Variants in EXOC1 observed in about 807,000 individuals in gnomAD.
EXOC1 encodes SEC3-like 1.
Under a neutral mutation model 107.7 loss-of-function variants are expected in EXOC1, and 67 were observed. The observed-to-expected ratio is 0.62, with a 90% CI of 0.51 to 0.76. The LOEUF (loss-of-function observed/expected upper bound fraction) is 0.76, where lower values mean the gene tolerates loss of function less well. Among genes scored for constraint, EXOC1 ranks in the 30% least tolerant of loss-of-function variants. EXOC1 has a pLI of 0.00. For missense variants in EXOC1, 833 were observed against 1,055.7 expected, an observed-to-expected ratio of 0.79 and a Z score of 2.92; for synonymous variants, 348 against 353.5, an observed-to-expected ratio of 0.98 and a Z score of 0.17.
chr4:55,884,918 A>G (rs1401499959), intron 10 of EXOC1, among the ~76,000 whole-genome samples: 1 of 152,202 alleles, frequency 6.6e-6, no homozygotes, highest in Non-Finnish European at 1.5e-5. Context: ...CAACACTAAT[A>G]TATTGATTAT....
rs1725265231 is a variant in EXOC1, at chr4:55,896,871, C to T, written c.2108C>T (p.Thr703Ile). 2 of 1,603,440 alleles carry T rather than the reference C, an allele frequency of 1.2e-6. No homozygotes were observed. The highest frequency in any genetic ancestry group is 1.7e-6 in the Non-Finnish European group (2 of 1,176,802). ...ERRGDLDKAY[T>I]KLIRGVFVNV... is the part of the protein sequence containing the mutation. ...CGTGGAGACCTGGATAAAGCATACACCAAACTTATCAGAGGAGTATTTGTT... is the reference window on the plus strand; with the variant it reads ...CGTGGAGACCTGGATAAAGCATACATCAAACTTATCAGAGGAGTATTTGTT... The change falls in exon 16 of 19, where the codon ACC becomes ATC. Residue 703 changes from threonine to isoleucine, a missense_variant. Transcript: ENST00000381295.
chr4:55,866,278 A>C (rs577438588), intron 4 of EXOC1, among the ~76,000 whole-genome samples: 3 of 152,228 alleles, frequency 2.0e-5, no homozygotes, highest in Non-Finnish European at 4.4e-5. Context: ...TTTGTAAAAG[A>C]GGACTTTTCA....
rs567856315 is a variant in EXOC1, at chr4:55,853,733, G to C, written c.-231G>C. On this transcript the variant is annotated 5_prime_UTR_variant, in exon 1 of 19. Transcript: ENST00000381295. ...CTTTATTGAGGGGCGTATCCTAGTG[G>C]CCCCCATCCGGTCTCCGTTTTGGAA... 1 of 152,266 alleles carries C rather than the reference G, an allele frequency of 6.6e-6. No homozygotes were observed. The highest frequency in any genetic ancestry group is 2.1e-4 in the South Asian group (1 of 4,832). 9.4% of individuals were successfully genotyped at this position (152,266 alleles called of 1,614,324 possible). A position where few individuals can be genotyped will look rare whatever the true frequency, so the allele number is the denominator to read the frequency against.
At chr4:55,879,776 A>C (rs1723215835) in intron 9 of EXOC1, among the ~76,000 whole-genome samples, 1 of 152,226 alleles carries the variant, frequency 6.6e-6, no homozygotes, top group Non-Finnish European at 1.5e-5. Context: ...TCCTGGCTGA[A>C]GATCCATTTT....
chr4:55,864,405 G>C lies in EXOC1; in HGVS notation c.415+19G>C, dbSNP rs374438303. ...TTGGAAGGTAAAGTTAAATAAAAAT[G>C]TATATGTAAAATCAATTATATCTTT... On this transcript the variant is annotated intron_variant, in intron 4 of 18. Coordinates refer to ENST00000381295, the MANE Select transcript of EXOC1 (RefSeq NM_001024924.2). 6.3e-7 allele frequency: 1 copy of C among 1,575,596 alleles called. No homozygotes were observed. The highest frequency in any genetic ancestry group is 1.8e-5 in the Admixed American group (1 of 55,140).
At chr4:55,875,696 A>T (rs1354056659) in intron 8 of EXOC1, 2 of 985,164 alleles carry the variant, frequency 2.0e-6, no homozygotes, top group African/African-American at 3.5e-5. Context: ...TTACTAATAA[A>T]AACTATTTGG....
chr4:55,866,004 G>A (rs1232294650), intron 4 of EXOC1, among the ~76,000 whole-genome samples: 1 of 152,040 alleles, frequency 6.6e-6, no homozygotes, highest in Non-Finnish European at 1.5e-5. Flanking sequence ...GTTTAGTGGA[G>A]TTCAGGGAAT....
intron 8 of EXOC1, chr4:55,875,799 T>C (rs2110344302): frequency 1.0e-6 from 1 of 984,984 alleles, no homozygotes; most frequent in Admixed American, 6.1e-5. Context: ...GCGCAGTGGC[T>C]CACACCTGTA....
chr4:55,883,971 G>A (rs779444944), intron 10 of EXOC1, 43 bp downstream of exon 10: 20 of 1,374,318 alleles, frequency 1.5e-5, no homozygotes, highest in Non-Finnish European at 2.0e-5. Context: ...TATTAAAAAT[G>A]GCTTTATTTA....
intron 9 of EXOC1, among the ~76,000 whole-genome samples, chr4:55,881,256 T>C (rs954764056): frequency 3.3e-5 from 5 of 152,142 alleles, no homozygotes; most frequent in Non-Finnish European, 5.9e-5. Flanking sequence ...GTAGGGTAGT[T>C]AGTAGAGATG....
At chr4:55,903,165 GAAAGAAAGAAAGAA>G (rs1358186206) in intron 18 of EXOC1, among the ~76,000 whole-genome samples, 32 of 80,404 alleles carry the variant, frequency 4.0e-4, no homozygotes, top group South Asian at 1.1e-3. Context: ...AAAAAAAAAA[GAAAGAAAGAAAGAA>G]AAAGAAAGAA....
chr4:55,886,858 A>G (rs2109438826), intron 10 of EXOC1, among the ~76,000 whole-genome samples: 1 of 152,314 alleles, frequency 6.6e-6, no homozygotes, highest in Admixed American at 6.5e-5. Context: ...AATCAGGGGA[A>G]TAGAGAATCC....
At chr4:55,898,647 C>G (rs1160340637) in intron 16 of EXOC1, among the ~76,000 whole-genome samples, 1 of 152,074 alleles carries the variant, frequency 6.6e-6, no homozygotes, top group Non-Finnish European at 1.5e-5. Flanking sequence ...AATTCCCTGT[C>G]CCTCTCTTCT....
intron 5 of EXOC1, 40 bp downstream of exon 5, chr4:55,868,563 T>C (rs1225366259): frequency 6.4e-7 from 1 of 1,573,244 alleles, no homozygotes; most frequent in South Asian, 1.1e-5. Context: ...TGATGTATAG[T>C]GGATTGAGAA....
rs766835700 is a variant in EXOC1, at chr4:55,860,397, G to A, written c.125-14G>A. 3.1e-6 allele frequency: 5 copies of A among 1,612,632 alleles called. No individual in the cohort carries two copies. In the African/African-American group the frequency reaches 4.0e-5, roughly 13 times the overall value. ...GGTAATATTTCTAATAAAAGTGTGC[G>A]TTTTACTCAACAGTGACAACTGAAC... On this transcript the variant is annotated splice_polypyrimidine_tract_variant and intron_variant, in intron 2 of 18. Coordinates refer to ENST00000381295, the MANE Select transcript of EXOC1 (RefSeq NM_001024924.2).
At chr4:55,871,270 A>C (rs774129271) in intron 7 of EXOC1, 37 bp downstream of exon 7, 1 of 1,592,146 alleles carries the variant, frequency 6.3e-7, no homozygotes, top group Admixed American at 1.7e-5. Context: ...GTGACCAAGA[A>C]TGTGAGACTA....
chr4:55,890,117 G>A lies in EXOC1; in HGVS notation c.1376-106G>A, dbSNP rs189975414. On this transcript the variant is annotated intron_variant, in intron 11 of 18. Coordinates refer to ENST00000381295, the MANE Select transcript of EXOC1 (RefSeq NM_001024924.2). ...AAGATTTGTGCACTAACTAATATGAGCCCTGGAAGATCAAGCCAGTAGAAG... is the reference window on the plus strand; with the variant it reads ...AAGATTTGTGCACTAACTAATATGAACCCTGGAAGATCAAGCCAGTAGAAG... 206 of 1,070,024 alleles carry A rather than the reference G, an allele frequency of 1.9e-4. 1 individual carries two copies. The African/African-American group carries it at 2.8e-3, about 15-fold the overall frequency. 66.3% of individuals were successfully genotyped at this position (1,070,024 alleles called of 1,614,324 possible). A position where few individuals can be genotyped will look rare whatever the true frequency, so the allele number is the denominator to read the frequency against.
At chr4:55,872,549 T>G (rs1722542604) in intron 8 of EXOC1, among the ~76,000 whole-genome samples, 1 of 152,124 alleles carries the variant, frequency 6.6e-6, no homozygotes, top group Non-Finnish European at 1.5e-5. Flanking sequence ...AAAGCCATTT[T>G]AATATCTAAT....
intron 18 of EXOC1, among the ~76,000 whole-genome samples, chr4:55,903,881 A>G (rs573658470): frequency 6.6e-6 from 1 of 152,146 alleles, no homozygotes; most frequent in Non-Finnish European, 1.5e-5. Context: ...TGCATCAACA[A>G]TTTTAGATAA....
Sources: gnomAD v4.1 joint callset for allele counts (sites outside exome capture counted in the v4.1 genomes callset) on GRCh38, gnomAD v4.1.1 for gene constraint, MANE v1.5 for transcripts, NCBI Gene and HGNC (gene_info 2026-07-23, HGNC 2026-07-21) for gene names.